ACTL8: variants seen among roughly 807,000 people sequenced by gnomAD.
The protein encoded by ACTL8 is actin-like protein 8.
ACTL8 carries 3 observed loss-of-function variants against 9.3 expected under a neutral mutation model. The observed-to-expected ratio is 0.32, with a 90% CI of 0.15 to 0.83. The LOEUF is 0.83. Ranked by LOEUF, ACTL8 falls within the 40% of genes least tolerant of loss-of-function variation. The pLI, the probability that ACTL8 is intolerant of heterozygous loss-of-function variation, is 0.57. For missense variants in ACTL8, 381 were observed against 492.2 expected (o/e 0.77, Z 2.14); for synonymous variants, 224 against 205.9 (o/e 1.09, Z -0.75).
chr1:17,778,136 T>A (rs976114313), intron 1 of ACTL8, among the ~76,000 whole-genome samples: 1 of 152,120 alleles, frequency 6.6e-6, no homozygotes, highest in East Asian at 1.9e-4. Flanking sequence ...TGGGGAACAG[T>A]TGGGAATTGC....
intron 1 of ACTL8, among the ~76,000 whole-genome samples, chr1:17,782,491 C>G (rs11578213): frequency 1.3e-4 from 20 of 152,044 alleles, no homozygotes; most frequent in African/African-American, 4.8e-4. Flanking sequence ...ATGCATAGAT[C>G]GCCACGGCGG....
At chr1:17,757,318 T>G (rs2065975004) in intron 1 of ACTL8, among the ~76,000 whole-genome samples, 1 of 152,150 alleles carries the variant, frequency 6.6e-6, no homozygotes. Context: ...AACAAAAAAT[T>G]TAATTGTGCT....
chr1:17,759,703 T>C (rs1030219679), intron 1 of ACTL8, among the ~76,000 whole-genome samples: 3 of 152,188 alleles, frequency 2.0e-5, no homozygotes, highest in Non-Finnish European at 2.9e-5. Context: ...TTAGGGGCTC[T>C]GCCATAACGC....
chr1:17,763,192 C>G (rs72927118), intron 1 of ACTL8, among the ~76,000 whole-genome samples: 1 of 152,098 alleles, frequency 6.6e-6, no homozygotes, highest in Non-Finnish European at 1.5e-5. Context: ...TGGCTTCTAT[C>G]GTGCTGAGGG....
In ACTL8 at chr1:17,823,691, G is replaced by A. The variant is rs1290042743; in HGVS notation, c.348+335G>A. 2.6e-5 allele frequency among the ~76,000 whole-genome samples: 4 copies of A among 152,068 alleles called. No homozygotes were observed. The highest frequency in any genetic ancestry group is 5.9e-5 in the Non-Finnish European group (4 of 68,002). On this transcript the variant is annotated intron_variant, in intron 2 of 2. Transcript: ENST00000375406. The surrounding 1 kb of genome is among the most constrained non-coding windows in gnomAD (Gnocchi z 5.3). Reference sequence around the variant, plus strand: ...TAGAGTGAGCTGAGATCACGACACTGCACTCTAGCCTGGGCAACAGAGCAA... The same window carrying A: ...TAGAGTGAGCTGAGATCACGACACTACACTCTAGCCTGGGCAACAGAGCAA...
rs1337385828 is a variant in ACTL8 at position 17,811,919 on chromosome 1, G to A, written c.-24-11066G>A. 2.6e-5 allele frequency among the ~76,000 whole-genome samples: 4 copies of A among 151,350 alleles called. No individual in the cohort carries two copies. In the East Asian group the frequency reaches 7.8e-4, roughly 29 times the overall value. On this transcript the variant is annotated intron_variant, in intron 1 of 2. Coordinates refer to ENST00000375406, the MANE Select transcript of ACTL8 (RefSeq NM_030812.3). The stretch of plus-strand genomic sequence containing the variant: ...GTCTGGCTGTGTGGCCCAGGTTGGA[G>A]TGCAATGATCTGATGTCAGCTCACT...
At chr1:17,781,170 A>G (rs1271099246) in intron 1 of ACTL8, among the ~76,000 whole-genome samples, 1 of 149,956 alleles carries the variant, frequency 6.7e-6, no homozygotes, top group Non-Finnish European at 1.5e-5. Flanking sequence ...CTGTCCTTAC[A>G]TGGCCTTCCT....
chr1:17,810,920 T>C (rs2066389815), intron 1 of ACTL8, among the ~76,000 whole-genome samples: 1 of 152,222 alleles, frequency 6.6e-6, no homozygotes. Context: ...TTGGGTTGTT[T>C]AGTGATTATG....
intron 1 of ACTL8, among the ~76,000 whole-genome samples, chr1:17,809,743 A>G (rs1048307944): frequency 6.6e-6 from 1 of 152,038 alleles, no homozygotes; most frequent in Non-Finnish European, 1.5e-5. Flanking sequence ...GGGACCATCT[A>G]GTTGCAGGAA....
rs72927114 is a variant in ACTL8, at chr1:17,761,107, C to T, written c.-25+5603C>T. ...GGAAAGAGGAGCTACCCTATGCAAACTCGGGGACAGGGGTCATTGCGGCTT... is the reference window on the plus strand; with the variant it reads ...GGAAAGAGGAGCTACCCTATGCAAATTCGGGGACAGGGGTCATTGCGGCTT... On this transcript the variant is annotated intron_variant, in intron 1 of 2. Transcript: ENST00000375406. Among the ~76,000 whole-genome samples the T allele has an allele frequency of 6.7e-3, 1,016 of 150,522 alleles. 11 individuals carry two copies. Among genetic ancestry groups the T allele is most frequent in the African/African-American group, 0.024 (967 of 40,950 alleles).
intron 1 of ACTL8, among the ~76,000 whole-genome samples, chr1:17,758,737 G>C (rs1464427916): frequency 1.3e-5 from 2 of 152,168 alleles, no homozygotes; most frequent in African/African-American, 4.8e-5. Flanking sequence ...GATGGTCAGG[G>C]ATAGAGTCTT....
At chr1:17,772,235 G>A (rs987472195) in intron 1 of ACTL8, among the ~76,000 whole-genome samples, 5 of 152,154 alleles carry the variant, frequency 3.3e-5, no homozygotes, top group African/African-American at 7.2e-5. Flanking sequence ...GAACAAATAC[G>A]CATTTTAAAA....
intron 1 of ACTL8, among the ~76,000 whole-genome samples, chr1:17,790,241 A>G (rs150317495): frequency 1.8e-3 from 274 of 152,326 alleles, no homozygotes; most frequent in African/African-American, 6.3e-3. Flanking sequence ...CAGCCCTGGC[A>G]TGGGGAGCTC....
chr1:17,805,886 G>T (rs1352992827), intron 1 of ACTL8, among the ~76,000 whole-genome samples: 1 of 152,118 alleles, frequency 6.6e-6, no homozygotes, highest in African/African-American at 2.4e-5. Flanking sequence ...CCCACTGAGG[G>T]TCTCCTCTCT....
chr1:17,791,124 C>T (rs1388844296), intron 1 of ACTL8, among the ~76,000 whole-genome samples: 3 of 152,152 alleles, frequency 2.0e-5, no homozygotes, highest in Non-Finnish European at 4.4e-5. Flanking sequence ...CTCCTGCCTA[C>T]TCCATGGAGC....
intron 1 of ACTL8, among the ~76,000 whole-genome samples, chr1:17,814,937 C>A (rs2066416877): frequency 6.6e-6 from 1 of 151,570 alleles, no homozygotes; most frequent in Non-Finnish European, 1.5e-5. Flanking sequence ...CATAGCAAGA[C>A]TCCATATCTA....
At chr1:17,771,620 C>T (rs2066083461) in intron 1 of ACTL8, among the ~76,000 whole-genome samples, 1 of 152,144 alleles carries the variant, frequency 6.6e-6, no homozygotes, top group Admixed American at 6.5e-5. Context: ...AGAGGTGTGT[C>T]CTCCAGGCCC....
intron 1 of ACTL8, among the ~76,000 whole-genome samples, chr1:17,757,383 A>G (rs1040986628): frequency 1.3e-5 from 2 of 152,174 alleles, no homozygotes; most frequent in African/African-American, 4.8e-5. Context: ...TAGGGCATGA[A>G]TCGTGAAAGA....
chr1:17,775,366 AGG>A (rs79426918), intron 1 of ACTL8, among the ~76,000 whole-genome samples: 41,957 of 151,908 alleles, frequency 0.28, 6,385 homozygotes, highest in Admixed American at 0.37. Context: ...GAACTGGAGG[AGG>A]AGGAGGAGGG....
Sources: gnomAD v4.1 joint callset for allele counts (sites outside exome capture counted in the v4.1 genomes callset) on GRCh38, gnomAD v4.1.1 for gene constraint, Gnocchi (gnomAD v3.1) non-coding constraint, MANE v1.5 for transcripts, NCBI Gene and HGNC (gene_info 2026-07-23, HGNC 2026-07-21) for gene names.